Variants in FYB2 observed in about 807,000 individuals in gnomAD.
FYB2 encodes the protein FYN binding protein 2, also known as FYN-binding protein 2.
FYB2 carries 103 observed loss-of-function variants against 94.1 expected under a neutral mutation model. That is an observed-to-expected ratio of 1.09 (90% CI 0.93 to 1.29). The LOEUF is 1.29. FYB2 is among the 50% of genes most tolerant of loss of function. FYB2 has a pLI of 0.00. For synonymous variants in FYB2, 293 were observed against 287.9 expected (o/e 1.02, Z -0.18); for missense variants, 896 against 841.5 (o/e 1.06, Z -0.80).
At chr1:56,799,832 G>A (rs1646480093) in intron 1 of FYB2, among the ~76,000 whole-genome samples, 1 of 152,096 alleles carries the variant, frequency 6.6e-6, no homozygotes, top group Non-Finnish European at 1.5e-5. Context: ...ATCTACAATG[G>A]CATTCATTGC....
At chr1:56,783,020 G>A (rs1007107932) in intron 4 of FYB2, among the ~76,000 whole-genome samples, 6 of 152,154 alleles carry the variant, frequency 3.9e-5, no homozygotes, top group African/African-American at 1.4e-4. Flanking sequence ...AGGGATGCCA[G>A]CCAGCTTGGT....
At chr1:56,776,269 T>C (rs1413180497) in intron 4 of FYB2, among the ~76,000 whole-genome samples, 1 of 152,198 alleles carries the variant, frequency 6.6e-6, no homozygotes, top group Admixed American at 6.5e-5. Context: ...AATTCTTTTA[T>C]ATATTAGTTA....
In FYB2 at chr1:56,738,736, T is replaced by C; in HGVS notation, c.1704-83A>G. 3.5e-6 allele frequency: 5 copies of C among 1,429,374 alleles called. No homozygotes were observed. The Admixed American group carries it at 7.1e-5, about 20-fold the overall frequency. The allele number at this position is 1,429,374 out of a possible 1,614,324, so 88.5% of individuals were successfully genotyped here. On this transcript the variant is annotated intron_variant, in intron 13 of 19. Coordinates refer to ENST00000343433, the MANE Select transcript of FYB2 (RefSeq NM_001004303.5). ...GAGCTGACAGATCTCCAATAACATA[T>C]TGATGATGCTGGATTGCCCTTCTTG...
intron 2 of FYB2, among the ~76,000 whole-genome samples, chr1:56,790,782 A>G (rs964804916): frequency 7.2e-5 from 11 of 152,242 alleles, no homozygotes; most frequent in African/African-American, 2.4e-4. Flanking sequence ...GTAGGATGAC[A>G]AGTGTGAGCT....
At position 56,758,672 on chromosome 1, in the gene FYB2, C is replaced by T. The variant is rs2100750536; in HGVS notation, c.1098+44G>A. 3 of 1,465,480 alleles carry T rather than the reference C, an allele frequency of 2.0e-6. No individual in the cohort carries two copies. In the East Asian group the frequency reaches 7.0e-5, roughly 34 times the overall value. 90.8% of individuals were successfully genotyped at this position (1,465,480 alleles called of 1,614,324 possible). A position where few individuals can be genotyped will look rare whatever the true frequency, so the allele number is the denominator to read the frequency against. On this transcript the variant is annotated intron_variant, in intron 6 of 19. Transcript: ENST00000343433. ...ACTACTTTAGAATCAACCTTGCATG[C>T]TTATTTTACTTTTAGTTACAATGTT...
intron 17 of FYB2, among the ~76,000 whole-genome samples, chr1:56,721,096 G>T (rs1171465983): frequency 6.6e-6 from 1 of 151,998 alleles, no homozygotes; most frequent in Non-Finnish European, 1.5e-5. Flanking sequence ...GTATTCACAG[G>T]CAGGCAGGCA....
At chr1:56,772,335 C>T (rs995770115) in intron 4 of FYB2, among the ~76,000 whole-genome samples, 1 of 152,068 alleles carries the variant, frequency 6.6e-6, no homozygotes, top group African/African-American at 2.4e-5. Context: ...TCTTTAGGAT[C>T]AATTGTCTTT....
rs943781038 is a variant in FYB2 at position 56,773,664 on chromosome 1, C to T, written c.954-5726G>A. ...CAAAAAGTTTCATTGGAAGAAAGTTCTAGAAGATCTAAAGAAGAGCTTTCA... is the reference window on the plus strand; with the variant it reads ...CAAAAAGTTTCATTGGAAGAAAGTTTTAGAAGATCTAAAGAAGAGCTTTCA... On this transcript the variant is annotated intron_variant, in intron 4 of 19. Transcript: ENST00000343433. Among the ~76,000 whole-genome samples, 5 of 152,108 alleles carry T rather than the reference C, an allele frequency of 3.3e-5. 1 individual carries two copies. Among genetic ancestry groups the T allele is most frequent in the Non-Finnish European group, 5.9e-5 (4 of 68,018 alleles).
In FYB2 at chr1:56,755,881, A is replaced by G. The variant is rs1738401; in HGVS notation, c.1130+15T>C. 1,106,877 of 1,591,924 alleles carry G rather than the reference A, an allele frequency of 0.7. 389,858 individuals carry two copies. Among genetic ancestry groups the G allele is most frequent in the East Asian group, 0.92 (41,070 of 44,664 alleles). On this transcript the variant is annotated intron_variant, in intron 7 of 19. Coordinates refer to ENST00000343433, the MANE Select transcript of FYB2 (RefSeq NM_001004303.5). ...TGCTTGGACAGGTGCTTTTCTTTTG[A>G]AAGATAAAACTCACCTAGGTTCTGG... is the stretch of plus-strand genomic sequence containing the variant.
At chr1:56,754,947 A>C (rs893784492) in intron 7 of FYB2, among the ~76,000 whole-genome samples, 1 of 152,066 alleles carries the variant, frequency 6.6e-6, no homozygotes, top group African/African-American at 2.4e-5. Flanking sequence ...ACAGGCAGGA[A>C]CTCAGGGAGA....
At position 56,775,235 on chromosome 1, in the gene FYB2, C is replaced by T. The variant is rs1645848688; in HGVS notation, c.954-7297G>A. ...TGACTTCTACTACAACAACATACAA[C>T]AAATAGAGCTTCTCTCAGCCCTGGG... On this transcript the variant is annotated intron_variant, in intron 4 of 19. Transcript: ENST00000343433. Among the ~76,000 whole-genome samples, 3 of 152,130 alleles carry T rather than the reference C, an allele frequency of 2.0e-5. No individual in the cohort carries two copies. In the South Asian group the frequency reaches 6.2e-4, roughly 32 times the overall value.
intron 2 of FYB2, among the ~76,000 whole-genome samples, chr1:56,790,440 T>C (rs1345253317): frequency 6.6e-6 from 1 of 152,226 alleles, no homozygotes; most frequent in African/African-American, 2.4e-5. Flanking sequence ...CCAGGCACTG[T>C]GCTAAGTAGT....
At chr1:56,798,111 G>C (rs182866168) in intron 1 of FYB2, among the ~76,000 whole-genome samples, 1 of 152,348 alleles carries the variant, frequency 6.6e-6, no homozygotes, top group East Asian at 1.9e-4. Flanking sequence ...GAATGAGTCA[G>C]TGAATAGATA....
intron 4 of FYB2, among the ~76,000 whole-genome samples, chr1:56,782,255 G>C (rs1406218575): frequency 6.6e-6 from 1 of 151,940 alleles, no homozygotes; most frequent in Non-Finnish European, 1.5e-5. Flanking sequence ...AATCAGAGAG[G>C]CCTTTCTTGA....
chr1:56,748,268 A>G (rs1004034622), intron 9 of FYB2, among the ~76,000 whole-genome samples: 1 of 152,110 alleles, frequency 6.6e-6, no homozygotes, highest in African/African-American at 2.4e-5. Context: ...CCATTGGTCA[A>G]TTTTGGCTGT....
intron 4 of FYB2, among the ~76,000 whole-genome samples, chr1:56,777,913 C>T (rs1645919555): frequency 6.6e-6 from 1 of 152,078 alleles, no homozygotes; most frequent in South Asian, 2.1e-4. Context: ...CAGACCTTGT[C>T]ACAATCCTGC....
chr1:56,780,525 T>G (rs924455093), intron 4 of FYB2, among the ~76,000 whole-genome samples: 1 of 152,126 alleles, frequency 6.6e-6, no homozygotes, highest in African/African-American at 2.4e-5. Context: ...GCTGACCAGG[T>G]CAAGCCCTGG....
rs1422751071 is a variant in FYB2 at position 56,742,178 on chromosome 1, G to T, written c.1587C>A (p.Asn529Lys). Residue 529 changes from asparagine to lysine, a missense_variant, in exon 12 of 20, where the codon AAC (asparagine) becomes AAA (lysine). Coordinates refer to ENST00000343433, the MANE Select transcript of FYB2 (RefSeq NM_001004303.5). ...ELYEDVYKTKNNYPKIDLDGK... is the reference protein window; with the variant it reads ...ELYEDVYKTKKNYPKIDLDGK... ...AAACTCACTCTATCTTTGGGTAGTT[G>T]TTCTTTGTTTTGTAGACATCTTCAT... The T allele has an allele frequency of 6.2e-7, 1 of 1,605,200 alleles. No individual in the cohort carries two copies. Among genetic ancestry groups the T allele is most frequent in the Non-Finnish European group, 8.5e-7 (1 of 1,173,702 alleles).
intron 1 of FYB2, among the ~76,000 whole-genome samples, chr1:56,811,144 A>G (rs1646758420): frequency 6.6e-6 from 1 of 152,156 alleles, no homozygotes; most frequent in East Asian, 1.9e-4. Context: ...AGAATCAGAG[A>G]GGTCAAATAA....
Sources: allele counts gnomAD v4.1 joint callset (sites outside exome capture counted in the v4.1 genomes callset), GRCh38; gene constraint gnomAD v4.1.1; transcripts MANE v1.5; gene names NCBI Gene and HGNC (gene_info 2026-07-23, HGNC 2026-07-21).